The following DNAH8 variants were observed in gnomAD, a reference collection of about 807,000 sequenced individuals.
DNAH8 encodes the protein axonemal beta dynein heavy chain 8.
A neutral mutation model predicts 562.1 loss-of-function variants in DNAH8; 382 were observed. The observed-to-expected ratio is 0.68, with a 90% CI of 0.63 to 0.74. DNAH8 has a LOEUF of 0.74. Ranked by LOEUF, DNAH8 falls within the 30% of genes least tolerant of loss-of-function variation. The pLI, the probability that DNAH8 is intolerant of heterozygous loss-of-function variation, is 0.00. For missense variants in DNAH8, 5,203 were observed against 5,620.4 expected, an observed-to-expected ratio of 0.93 and a Z score of 2.37; for synonymous variants, 1,881 against 1,919.4, an observed-to-expected ratio of 0.98 and a Z score of 0.52.
intron 68 of DNAH8, among the ~76,000 whole-genome samples, chr6:38,915,595 A>G (rs1000391474): frequency 7.2e-5 from 11 of 152,148 alleles, no homozygotes; most frequent in African/African-American, 2.7e-4. Flanking sequence ...TTGGTCTTCC[A>G]TGAGAACTGA....
At chr6:38,794,868 A>ATT (rs34990318) in intron 21 of DNAH8, among the ~76,000 whole-genome samples, 61,505 of 151,442 alleles carry the variant, frequency 0.41, 13,245 homozygotes, top group East Asian at 0.66. Context: ...ATTCTTGTAA[A>ATT]TTTTTTTTTG....
chr6:38,848,831 A>G (rs1348879795), intron 37 of DNAH8, 30 bp downstream of exon 37: 1 of 1,605,288 alleles, frequency 6.2e-7, no homozygotes. Context: ...TTACTGATAA[A>G]ATAATTTGGT....
chr6:38,818,253 G>A (rs1383330312), intron 26 of DNAH8, among the ~76,000 whole-genome samples: 1 of 151,894 alleles, frequency 6.6e-6, no homozygotes, highest in Non-Finnish European at 1.5e-5. Flanking sequence ...TTAGTCCAAT[G>A]TTTGCCATTA....
chr6:38,907,282 A>G (rs1780551088), intron 63 of DNAH8, among the ~76,000 whole-genome samples: 1 of 152,204 alleles, frequency 6.6e-6, no homozygotes. Flanking sequence ...TAACATATGC[A>G]CTGTTTCCAT....
intron 44 of DNAH8, 101 bp from the exon 45 acceptor site, chr6:38,863,772 C>T (rs1034711805): frequency 5.6e-6 from 5 of 894,362 alleles, no homozygotes; most frequent in South Asian, 2.0e-5. Flanking sequence ...TACATAATCC[C>T]GTTTCAATGT....
At chr6:38,862,202 C>T in intron 43 of DNAH8, 78 bp from the exon 44 acceptor site, 2 of 1,310,774 alleles carry the variant, frequency 1.5e-6, no homozygotes, top group Non-Finnish European at 2.1e-6. Context: ...CCATTCCAAT[C>T]ACATTGGATT....
chr6:38,890,545 G>A (rs1445120423), intron 57 of DNAH8, 107 bp from the exon 58 acceptor site: 4 of 805,096 alleles, frequency 5.0e-6, no homozygotes, highest in East Asian at 2.5e-5. Context: ...GAGAAATTCT[G>A]AACAACACCC....
chr6:38,752,410 C>T (rs1000652288), intron 9 of DNAH8, among the ~76,000 whole-genome samples: 2 of 152,232 alleles, frequency 1.3e-5, no homozygotes, highest in Admixed American at 6.5e-5. Flanking sequence ...GTGATCTGCC[C>T]GCCTCCACCT....
chr6:38,789,893 G>A lies in DNAH8; in HGVS notation c.2664+10G>A, dbSNP rs754423106. On this transcript the variant is annotated intron_variant, in intron 19 of 92. Transcript: ENST00000327475. ...CCCAAAAATGAAAAAGGTTGGTATT[G>A]CTGAAGGTTTGTATTGATTTTCCTG... 1.3e-6 allele frequency: 2 copies of A among 1,594,618 alleles called. No individual in the cohort carries two copies. Among genetic ancestry groups the A allele is most frequent in the Non-Finnish European group, 1.7e-6 (2 of 1,164,278 alleles).
At chr6:39,009,301 T>A (rs12524405) in intron 89 of DNAH8, among the ~76,000 whole-genome samples, 2 of 148,700 alleles carry the variant, frequency 1.3e-5, no homozygotes. Flanking sequence ...TAAGCTGTGC[T>A]AAAAAAAAAA....
chr6:38,867,510 C>T (rs1013074104), intron 47 of DNAH8, among the ~76,000 whole-genome samples: 2 of 151,082 alleles, frequency 1.3e-5, no homozygotes, highest in Admixed American at 6.6e-5. Flanking sequence ...TCTGGGAGGC[C>T]GAGGCGAGTG....
intron 24 of DNAH8, among the ~76,000 whole-genome samples, chr6:38,808,295 T>C (rs1771477320): frequency 6.6e-6 from 1 of 152,162 alleles, no homozygotes; most frequent in Admixed American, 6.5e-5. Flanking sequence ...TGCCTCATTT[T>C]ACCAGGCAGC....
chr6:38,887,898 G>A (rs984314594), intron 57 of DNAH8, among the ~76,000 whole-genome samples: 12 of 139,064 alleles, frequency 8.6e-5, no homozygotes, highest in Admixed American at 3.8e-4. Context: ...GTGCAGTGGC[G>A]CGATCTCAGC....
intron 35 of DNAH8, among the ~76,000 whole-genome samples, chr6:38,844,656 C>T (rs1405066956): frequency 6.6e-6 from 1 of 152,162 alleles, no homozygotes; most frequent in African/African-American, 2.4e-5. Context: ...ACTCTTGGTA[C>T]ACAAAACAGA....
intron 91 of DNAH8, among the ~76,000 whole-genome samples, chr6:39,019,424 T>C (rs1355648827): frequency 6.6e-6 from 1 of 152,028 alleles, no homozygotes; most frequent in African/African-American, 2.4e-5. Flanking sequence ...GGTGGAGAGA[T>C]TTTTAAAAGA....
At position 38,852,646 on chromosome 6, in the gene DNAH8, C is replaced by A. The variant is rs756315063; in HGVS notation, c.5467-48C>A. ...ATTAAGGCTTTTAAAAACATCTCAG[C>A]GGCTTTTGTGTCCAGCCTCATGTGT... On this transcript the variant is annotated intron_variant, in intron 39 of 92. Coordinates refer to ENST00000327475, the MANE Select transcript of DNAH8 (RefSeq NM_001206927.2). 4 of 1,333,114 alleles carry A rather than the reference C, an allele frequency of 3.0e-6. No homozygotes were observed. In the East Asian group the frequency reaches 6.9e-5, roughly 23 times the overall value. The allele number at this position is 1,333,114 out of a possible 1,614,324, so 82.6% of individuals were successfully genotyped here. A position where few individuals can be genotyped will look rare whatever the true frequency, so the allele number is the denominator to read the frequency against.
intron 33 of DNAH8, among the ~76,000 whole-genome samples, chr6:38,838,433 C>G (rs915127078): frequency 2.9e-5 from 4 of 137,250 alleles, no homozygotes; most frequent in Non-Finnish European, 4.7e-5. Flanking sequence ...GAGTCTCGCT[C>G]TGTTGCCCAG....
Position 38,853,199 on chromosome 6 carries a change from T to C in DNAH8, c.5585T>C (p.Val1862Ala), listed in dbSNP as rs1335204247. 6.2e-7 allele frequency: 1 copy of C among 1,603,642 alleles called. No homozygotes were observed. The highest frequency in any genetic ancestry group is 1.4e-5 in the African/African-American group (1 of 74,068). The change falls in exon 41 of 93, where the codon GTT becomes GCT. Residue 1862 changes from valine to alanine, a missense_variant. Val to Ala is a moderately conservative substitution (Grantham distance 64, BLOSUM62 0). This residue lies in a region of DNAH8 where 2,176 missense variants were observed against 2,365.1 expected (regional missense o/e 0.92). Coordinates refer to ENST00000327475, the MANE Select transcript of DNAH8 (RefSeq NM_001206927.2). The part of the protein sequence containing the change: ...EGEKIVLDNS[V>A]MAKGPVEIWL... ...ATTTTGTTTTAGTTGGATAATTCTG[T>C]TATGGCCAAAGGTCCTGTGGAGATT...
At chr6:38,823,115 TA>T (rs1188048679) in intron 27 of DNAH8, 81 bp downstream of exon 27, 9 of 1,283,512 alleles carry the variant, frequency 7.0e-6, no homozygotes, top group Middle Eastern at 5.5e-4. Flanking sequence ...ATATCAGGGA[TA>T]ATGACAGGAA....
Sources: allele counts gnomAD v4.1 joint callset (sites outside exome capture counted in the v4.1 genomes callset), GRCh38; gene constraint gnomAD v4.1.1; regional missense constraint gnomAD v4.1.1; transcripts MANE v1.5; gene names NCBI Gene and HGNC (gene_info 2026-07-23, HGNC 2026-07-21).